Variants in ZSCAN5A observed in about 807,000 individuals in gnomAD.
The protein encoded by ZSCAN5A is zinc finger and SCAN domain-containing protein 5A.
A neutral mutation model predicts 23.7 loss-of-function variants in ZSCAN5A; 12 were observed. The observed-to-expected ratio is 0.51, with a 90% CI of 0.32 to 0.82. The LOEUF (loss-of-function observed/expected upper bound fraction) is 0.82. Among genes scored for constraint, ZSCAN5A ranks in the 40% least tolerant of loss-of-function variants. The pLI is 0.03. For synonymous variants in ZSCAN5A, 257 were observed against 239.9 expected, an observed-to-expected ratio of 1.07 and a Z score of -0.66; for missense variants, 597 against 617.9, an observed-to-expected ratio of 0.97 and a Z score of 0.36.
At chr19:56,356,378 G>C (rs1197278301) in intron 2 of ZSCAN5A, among the ~76,000 whole-genome samples, 1 of 148,548 alleles carries the variant, frequency 6.7e-6, no homozygotes, top group Admixed American at 6.6e-5. Context: ...TTACATCCTT[G>C]GGAATACATG....
intron 3 of ZSCAN5A, 86 bp downstream of exon 3, chr19:56,224,577 C>T (rs1332532445): frequency 9.3e-6 from 14 of 1,504,602 alleles, no homozygotes; most frequent in Non-Finnish European, 1.2e-5. Flanking sequence ...CTAGAGCAGC[C>T]CCTCGGGTCC....
At chr19:56,285,142 C>A in intron 2 of ZSCAN5A, 1 of 358,598 alleles carries the variant, frequency 2.8e-6, no homozygotes, top group Non-Finnish European at 3.9e-6. Context: ...AGGTATTATC[C>A]AAGCACATGT....
At chr19:56,361,729 T>TA (rs138642594) in intron 2 of ZSCAN5A, among the ~76,000 whole-genome samples, 6,533 of 150,340 alleles carry the variant, frequency 0.043, 189 homozygotes, top group Middle Eastern at 0.11. Context: ...GGGAGGAGAG[T>TA]ATCAAAAGAA....
chr19:56,357,076 G>A (rs938639185), intron 2 of ZSCAN5A, among the ~76,000 whole-genome samples: 1 of 148,212 alleles, frequency 6.7e-6, no homozygotes, highest in South Asian at 2.2e-4. Flanking sequence ...TTTGTGTTAG[G>A]CCTCCATTTT....
chr19:56,341,723 A>C (rs2041594640), intron 2 of ZSCAN5A, among the ~76,000 whole-genome samples: 1 of 149,744 alleles, frequency 6.7e-6, no homozygotes, highest in Non-Finnish European at 1.5e-5. Flanking sequence ...AAAAAAAAAA[A>C]AAAACCCTTC....
chr19:56,222,426 A>G (rs546899251), intron 5 of ZSCAN5A, 100 bp from the exon 6 acceptor site: 1 of 1,566,652 alleles, frequency 6.4e-7, no homozygotes, highest in East Asian at 2.2e-5. Context: ...ACTTCCGCTC[A>G]AGCTCAAGCC....
At chr19:56,222,785 G>A in intron 4 of ZSCAN5A, 44 bp from the exon 5 acceptor site, 2 of 1,613,356 alleles carry the variant, frequency 1.2e-6, no homozygotes, top group Non-Finnish European at 1.7e-6. Flanking sequence ...TGTCCAAACT[G>A]GTGGAAGCAG....
At chr19:56,292,023 G>A (rs1463456481) in intron 2 of ZSCAN5A, among the ~76,000 whole-genome samples, 1 of 152,176 alleles carries the variant, frequency 6.6e-6, no homozygotes, top group African/African-American at 2.4e-5. Context: ...ATAAAGGTTA[G>A]GTAACTAGAT....
At chr19:56,330,833 T>C (rs2147436596) in intron 2 of ZSCAN5A, among the ~76,000 whole-genome samples, 1 of 152,260 alleles carries the variant, frequency 6.6e-6, no homozygotes, top group Admixed American at 6.5e-5. Flanking sequence ...AATTTGTCAT[T>C]TTTTTGTTGC....
chr19:56,355,969 A>G (rs182679073), intron 2 of ZSCAN5A, among the ~76,000 whole-genome samples: 1 of 148,894 alleles, frequency 6.7e-6, no homozygotes, highest in Admixed American at 6.6e-5. Flanking sequence ...AATATTATTT[A>G]CTGACATCCT....
chr19:56,221,326 T>C lies in ZSCAN5A; in HGVS notation c.*249A>G, dbSNP rs1166500398. 1 of 424,442 alleles carries C rather than the reference T, an allele frequency of 2.4e-6. No individual in the cohort carries two copies. Among genetic ancestry groups the C allele is most frequent in the Non-Finnish European group, 4.1e-6 (1 of 242,688 alleles). The allele number at this position is 424,442 out of a possible 1,614,324, so 26.3% of individuals were successfully genotyped here. A position where few individuals can be genotyped will look rare whatever the true frequency, so the allele number is the denominator to read the frequency against. ...TATACAATATTGAAAACTAATAAGA[T>C]GATCGTTTATTGGAAGAACAGCAAC... On this transcript the variant is annotated 3_prime_UTR_variant, in exon 6 of 6. Transcript: ENST00000683990.
intron 2 of ZSCAN5A, among the ~76,000 whole-genome samples, chr19:56,327,001 G>T (rs2041440543): frequency 6.6e-6 from 1 of 151,884 alleles, no homozygotes; most frequent in African/African-American, 2.4e-5. Flanking sequence ...ACGAGTTGAG[G>T]TTGTGCTTAA....
intron 2 of ZSCAN5A, among the ~76,000 whole-genome samples, chr19:56,261,592 C>T (rs2037133356): frequency 1.3e-5 from 2 of 151,494 alleles, no homozygotes; most frequent in South Asian, 4.2e-4. Context: ...TGGATCAGAT[C>T]CAGGAGCAAA....
chr19:56,338,393 T>C (rs2041561377), intron 2 of ZSCAN5A: 1 of 152,186 alleles, frequency 6.6e-6, no homozygotes, highest in Admixed American at 6.5e-5. Context: ...TGTAACCCAG[T>C]ACTGGAGGTC....
chr19:56,249,484 C>T (rs1353008883), intron 2 of ZSCAN5A, among the ~76,000 whole-genome samples: 1 of 152,212 alleles, frequency 6.6e-6, no homozygotes, highest in African/African-American at 2.4e-5. Context: ...GTTGGCCAGG[C>T]TGGTCTGGAG....
At chr19:56,349,091 T>C (rs2041651762) in intron 2 of ZSCAN5A, among the ~76,000 whole-genome samples, 1 of 152,182 alleles carries the variant, frequency 6.6e-6, no homozygotes, top group Admixed American at 6.5e-5. Flanking sequence ...ATAAAACTTA[T>C]CCATGTGCTC....
intron 2 of ZSCAN5A, among the ~76,000 whole-genome samples, chr19:56,359,688 T>G (rs566004631): frequency 6.6e-6 from 1 of 152,236 alleles, no homozygotes; most frequent in Non-Finnish European, 1.5e-5. Flanking sequence ...AATAAAATAC[T>G]GGCAAACCAA....
At chr19:56,296,396 CT>C (rs1212176164) in intron 2 of ZSCAN5A, 1 of 151,828 alleles carries the variant, frequency 6.6e-6, no homozygotes, top group Admixed American at 6.6e-5. Flanking sequence ...GTGTTCACTC[CT>C]GTGCACAGAA....
intron 2 of ZSCAN5A, among the ~76,000 whole-genome samples, chr19:56,293,908 C>T (rs911430706): frequency 2.6e-5 from 4 of 152,270 alleles, no homozygotes; most frequent in East Asian, 1.9e-4. Flanking sequence ...AGAAACCCCC[C>T]GCTGAATAAA....
Sources: gnomAD v4.1 joint callset for allele counts (sites outside exome capture counted in the v4.1 genomes callset) on GRCh38, gnomAD v4.1.1 for gene constraint, MANE v1.5 for transcripts, NCBI Gene and HGNC (gene_info 2026-07-23, HGNC 2026-07-21) for gene names.